Variants in PHACTR2 observed in about 807,000 individuals in gnomAD.
PHACTR2 encodes the protein phosphatase and actin regulator 2, also known as chromosome 6 open reading frame 56.
Under a neutral mutation model 76.0 loss-of-function variants are expected in PHACTR2, and 30 were observed. The ratio of observed to expected loss-of-function variants is 0.39; its 90% confidence interval spans 0.30 to 0.54. The LOEUF is 0.54. Among genes scored for constraint, PHACTR2 ranks in the 20% least tolerant of loss-of-function variants. PHACTR2 has a pLI of 0.61. For missense variants in PHACTR2, 696 were observed against 781.1 expected (o/e 0.89, Z 1.30); for synonymous variants, 292 against 292.5 (o/e 1.00, Z 0.02).
chr6:143,651,859 A>T (rs898290331), intron 1 of PHACTR2, among the ~76,000 whole-genome samples: 3 of 150,688 alleles, frequency 2.0e-5, no homozygotes, highest in African/African-American at 7.3e-5. Context: ...AAAATAAAAA[A>T]ATATATAATA....
chr6:143,595,484 T>C lies in PHACTR2; in HGVS notation c.217+58277T>C, dbSNP rs1775738277. ...TGCATTTGGAGCTTAATTATTTAAA[T>C]GTTTCCAGACTCAAATGACTGATGA... On this transcript the variant is annotated intron_variant, in intron 1 of 11. Transcript: ENST00000367584. This position sits in a 1 kb window ranked among gnomAD's most constrained non-coding sequence, Gnocchi z 4.2. Among the ~76,000 whole-genome samples the C allele has an allele frequency of 6.6e-6, 1 of 152,240 alleles. No homozygotes were observed. Among genetic ancestry groups the C allele is most frequent in the South Asian group, 2.1e-4 (1 of 4,834 alleles).
intron 1 of PHACTR2, among the ~76,000 whole-genome samples, chr6:143,572,958 C>A (rs561164830): frequency 4.6e-4 from 70 of 152,358 alleles, no homozygotes; most frequent in Non-Finnish European, 8.8e-4. Flanking sequence ...GTTTGGTCAT[C>A]ATCAGATAAG....
chr6:143,771,579 G>A (rs1775142676), intron 6 of PHACTR2, among the ~76,000 whole-genome samples: 1 of 151,738 alleles, frequency 6.6e-6, no homozygotes, highest in Non-Finnish European at 1.5e-5. Flanking sequence ...TGGGACTACA[G>A]GTGCCGGCCA....
rs747733763 is a variant in PHACTR2 at position 143,819,811 on chromosome 6, T to C, written c.1923-3863T>C. Among the ~76,000 whole-genome samples, 3 of 152,186 alleles carry C rather than the reference T, an allele frequency of 2.0e-5. No individual in the cohort carries two copies. Among genetic ancestry groups the C allele is most frequent in the Non-Finnish European group, 2.9e-5 (2 of 68,036 alleles). ...CCACTCAGACTCACAAGCCAGTCCCTGAAAACACCCTCACAGACTGTATTA... is the reference window on the plus strand; with the variant it reads ...CCACTCAGACTCACAAGCCAGTCCCCGAAAACACCCTCACAGACTGTATTA... On this transcript the variant is annotated intron_variant, in intron 12 of 12. Coordinates refer to ENST00000440869, the MANE Select transcript of PHACTR2 (RefSeq NM_001100164.2). This position sits in a 1 kb window ranked among gnomAD's most constrained non-coding sequence, Gnocchi z 5.0.
intron 6 of PHACTR2, among the ~76,000 whole-genome samples, chr6:143,768,800 A>G (rs1775021451): frequency 6.6e-6 from 1 of 152,168 alleles, no homozygotes; most frequent in Non-Finnish European, 1.5e-5. Flanking sequence ...CCTGTCCATC[A>G]AGGTAGTTAT....
chr6:143,625,242 T>C lies in PHACTR2; in HGVS notation c.13+16920T>C, dbSNP rs1776235558. Reference sequence around the variant, plus strand: ...CATGTGACTATCGTTTAAAATACAGTCATGTATACGTACAATAGAATTAGA... The same window carrying C: ...CATGTGACTATCGTTTAAAATACAGCCATGTATACGTACAATAGAATTAGA... On this transcript the variant is annotated intron_variant, in intron 1 of 11. Coordinates refer to the PHACTR2 transcript ENST00000305766. This position sits in a 1 kb window ranked among gnomAD's most constrained non-coding sequence, Gnocchi z 4.3. Among the ~76,000 whole-genome samples, 1 of 152,176 alleles carries C rather than the reference T, an allele frequency of 6.6e-6. No homozygotes were observed. Among genetic ancestry groups the C allele is most frequent in the Admixed American group, 6.5e-5 (1 of 15,284 alleles).
In PHACTR2 at chr6:143,599,881, G is replaced by A. The variant is rs1775795230; in HGVS notation, c.217+62674G>A. 6.6e-6 allele frequency among the ~76,000 whole-genome samples: 1 copy of A among 152,194 alleles called. No homozygotes were observed. Among genetic ancestry groups the A allele is most frequent in the Non-Finnish European group, 1.5e-5 (1 of 68,028 alleles). On this transcript the variant is annotated intron_variant, in intron 1 of 11. Transcript: ENST00000367584. This position sits in a 1 kb window ranked among gnomAD's most constrained non-coding sequence, Gnocchi z 4.6. ...GCCATGTAAGTGTGTGTAGCTCAAT[G>A]TGAGACAATTGGGAGTGGTGGAAAC...
At chr6:143,677,115 TA>T (rs1245594351), upstream of PHACTR2, among the ~76,000 whole-genome samples, 1 of 152,290 alleles carries the variant, frequency 6.6e-6, no homozygotes, top group East Asian at 1.9e-4. Flanking sequence ...CACACATCAT[TA>T]CAGACATCTC....
chr6:143,740,888 A>G (rs568725901), intron 2 of PHACTR2, among the ~76,000 whole-genome samples: 31 of 152,300 alleles, frequency 2.0e-4, no homozygotes, highest in South Asian at 1.2e-3. Context: ...CCAGGTTCCT[A>G]CTGTGTGACT....
intron 1 of PHACTR2, among the ~76,000 whole-genome samples, chr6:143,545,651 C>A (rs73586262): frequency 0.021 from 3,233 of 152,224 alleles, 120 homozygotes; most frequent in African/African-American, 0.074. Flanking sequence ...AGAACCAAGA[C>A]TCAAATCTTC....
At position 143,794,426 on chromosome 6, in the gene PHACTR2, A is replaced by G. The variant is rs922867201; in HGVS notation, c.1845+5516A>G. Among the ~76,000 whole-genome samples the G allele has an allele frequency of 2.6e-5, 4 of 152,068 alleles. No individual in the cohort carries two copies. The highest frequency in any genetic ancestry group is 5.9e-5 in the Non-Finnish European group (4 of 67,994). ...GCTATTAGGTTTAAAAATGAGTTTT[A>G]TTTTTAACTTTTGAGCTCTATATCC... On this transcript the variant is annotated intron_variant, in intron 11 of 12. Transcript: ENST00000440869. The surrounding 1 kb of genome is among the most constrained non-coding windows in gnomAD (Gnocchi z 4.1).
intron 1 of PHACTR2, among the ~76,000 whole-genome samples, chr6:143,681,840 T>C (rs1191934998): frequency 6.6e-6 from 1 of 152,264 alleles, no homozygotes; most frequent in Non-Finnish European, 1.5e-5. Flanking sequence ...ATGACCGTTC[T>C]TTCCCCATTG....
chr6:143,566,066 A>G (rs1775358550), intron 1 of PHACTR2, among the ~76,000 whole-genome samples: 1 of 152,160 alleles, frequency 6.6e-6, no homozygotes, highest in Non-Finnish European at 1.5e-5. Context: ...TCTGGGCTCA[A>G]GCAATCCTCC....
At chr6:143,771,232 A>ATT in intron 6 of PHACTR2, among the ~76,000 whole-genome samples, 1 of 92,122 alleles carries the variant, frequency 1.1e-5, no homozygotes, top group Non-Finnish European at 2.1e-5. Context: ...ATATATATAT[A>ATT]TATGCTTTTT....
In PHACTR2 at chr6:143,697,690, G is replaced by A. The variant is rs182948892; in HGVS notation, c.47-14326G>A. ...CAAAATATTTGGAATTCTACAGGAA[G>A]GCACTGTTGGAAACAATTTCCTCTG... is the stretch of plus-strand genomic sequence containing the variant. On this transcript the variant is annotated intron_variant, in intron 1 of 12. Coordinates refer to ENST00000440869, the MANE Select transcript of PHACTR2 (RefSeq NM_001100164.2). This position sits in a 1 kb window ranked among gnomAD's most constrained non-coding sequence, Gnocchi z 4.4. Among the ~76,000 whole-genome samples, 249 of 152,266 alleles carry A rather than the reference G, an allele frequency of 1.6e-3. No homozygotes were observed. The highest frequency in any genetic ancestry group is 5.5e-3 in the African/African-American group (229 of 41,560).
intron 1 of PHACTR2, among the ~76,000 whole-genome samples, chr6:143,542,098 ACCCTG>A (rs1193162831): frequency 6.6e-6 from 1 of 152,156 alleles, no homozygotes; most frequent in East Asian, 1.9e-4. Flanking sequence ...TAGCAAGGCC[ACCCTG>A]CCCAGGCCAG....
At position 143,765,402 on chromosome 6, in the gene PHACTR2, G is replaced by C; in HGVS notation, c.836G>C (p.Arg279Thr). Residue 279 changes from arginine (R) to threonine (T), a missense_variant, in exon 6 of 13, where the codon AGA (arginine) becomes ACA (threonine). Coordinates refer to ENST00000440869, the MANE Select transcript of PHACTR2 (RefSeq NM_001100164.2). This position sits in a 1 kb window ranked among gnomAD's most constrained non-coding sequence, Gnocchi z 4.1. ...ACAGTGGGGACCACCAAGGGCAAGAGAAAAACTGACAAGCAGCCAATAACT... is the reference window on the plus strand; with the variant it reads ...ACAGTGGGGACCACCAAGGGCAAGACAAAAACTGACAAGCAGCCAATAACT... ...AGTVGTTKGK[R>T]KTDKQPITSH... The C allele has an allele frequency of 6.2e-7, 1 of 1,614,220 alleles. No homozygotes were observed. Among genetic ancestry groups the C allele is most frequent in the African/African-American group, 1.3e-5 (1 of 75,060 alleles).
chr6:143,614,177 A>G (rs7745970), intron 1 of PHACTR2, among the ~76,000 whole-genome samples: 30,268 of 152,162 alleles, frequency 0.2, 3,144 homozygotes, highest in South Asian at 0.27. Flanking sequence ...AGCCGAGACC[A>G]CGCCATTGCA....
At chr6:143,699,361 G>T (rs1013904071) in intron 1 of PHACTR2, among the ~76,000 whole-genome samples, 1 of 152,092 alleles carries the variant, frequency 6.6e-6, no homozygotes, top group Non-Finnish European at 1.5e-5. Flanking sequence ...CACACTTTAT[G>T]AACTTAAAAC....
Sources: gnomAD v4.1 joint callset for allele counts (sites outside exome capture counted in the v4.1 genomes callset) on GRCh38, gnomAD v4.1.1 for gene constraint, Gnocchi (gnomAD v3.1) non-coding constraint, MANE v1.5 for transcripts, NCBI Gene and HGNC (gene_info 2026-07-23, HGNC 2026-07-21) for gene names.